Variants in SLC7A2 observed in about 807,000 individuals in gnomAD.
The protein encoded by SLC7A2 is solute carrier family 7 member 2.
In SLC7A2, 48 loss-of-function variants were observed where a neutral mutation model predicts 58.9. The observed-to-expected ratio is 0.82, with a 90% CI of 0.65 to 1.04. The LOEUF is 1.04. SLC7A2 is among the 50% of genes least tolerant of loss of function. The pLI is 0.00. For synonymous variants in SLC7A2, 363 were observed against 314.5 expected (o/e 1.15, Z -1.63); for missense variants, 1,029 against 818.8 (o/e 1.26, Z -3.13).
rs1302073057 is a variant in SLC7A2, at chr8:17,567,106, T to A, written c.*1960T>A. Reference sequence around the variant, plus strand: ...AACTTCCAGGGTGCACATGGTAAAATCTGAAGCCCAGAATTTTCTCTCAAG... The same window carrying A: ...AACTTCCAGGGTGCACATGGTAAAAACTGAAGCCCAGAATTTTCTCTCAAG... On this transcript the variant is annotated 3_prime_UTR_variant, in exon 13 of 13. Coordinates refer to ENST00000494857, the MANE Select transcript of SLC7A2 (RefSeq NM_001370338.1). 6.6e-6 allele frequency: 1 copy of A among 152,494 alleles called. No homozygotes were observed. The highest frequency in any genetic ancestry group is 2.4e-5 in the African/African-American group (1 of 41,392). 9.4% of individuals were successfully genotyped at this position (152,494 alleles called of 1,614,324 possible).
intron 2 of SLC7A2, among the ~76,000 whole-genome samples, chr8:17,510,290 A>G (rs528386323): frequency 6.6e-6 from 1 of 152,208 alleles, no homozygotes; most frequent in South Asian, 2.1e-4. Context: ...GTACGAAAGT[A>G]TCTGCAGAAA....
At chr8:17,534,582 G>A (rs1270542410) in intron 2 of SLC7A2, among the ~76,000 whole-genome samples, 1 of 151,314 alleles carries the variant, frequency 6.6e-6, no homozygotes, top group Non-Finnish European at 1.5e-5. Context: ...TTGGAATTCT[G>A]ACAATTCAAG....
intron 2 of SLC7A2, among the ~76,000 whole-genome samples, chr8:17,520,975 A>G (rs1024435929): frequency 6.6e-6 from 1 of 152,176 alleles, no homozygotes; most frequent in African/African-American, 2.4e-5. Flanking sequence ...GACCTTATAT[A>G]AGCCTGTTTC....
At chr8:17,526,954 G>T (rs539272964) in intron 2 of SLC7A2, among the ~76,000 whole-genome samples, 2 of 152,084 alleles carry the variant, frequency 1.3e-5, no homozygotes, top group African/African-American at 4.8e-5. Context: ...TTTCCAGTTG[G>T]TTGCATGATA....
intron 4 of SLC7A2, 74 bp from the exon 5 acceptor site, chr8:17,548,604 A>G: frequency 9.7e-7 from 1 of 1,032,378 alleles, no homozygotes; most frequent in South Asian, 1.5e-5. Flanking sequence ...AATATCCTAA[A>G]GTCATGTATT....
At position 17,497,224 on chromosome 8, in the gene SLC7A2, C is replaced by G. The variant is rs1409364725; in HGVS notation, c.-82C>G. On this transcript the variant is annotated 5_prime_UTR_variant, in exon 1 of 13. Coordinates refer to ENST00000494857, the MANE Select transcript of SLC7A2 (RefSeq NM_001370338.1). ...CCACCGCCGCCTTCTTGGCGCGACC[C>G]CAACCCAGCCCCAGTAAGTTGCTAG... The G allele has an allele frequency of 6.6e-6, 1 of 152,034 alleles. No homozygotes were observed. The highest frequency in any genetic ancestry group is 2.1e-4 in the South Asian group (1 of 4,836). The allele number at this position is 152,034 out of a possible 1,614,324, so 9.4% of individuals were successfully genotyped here.
chr8:17,536,849 C>G (rs1239467658), intron 2 of SLC7A2, among the ~76,000 whole-genome samples: 1 of 152,110 alleles, frequency 6.6e-6, no homozygotes, highest in African/African-American at 2.4e-5. Flanking sequence ...CTTCTGGTTT[C>G]AAGGAACAGA....
intron 6 of SLC7A2, 124 bp downstream of exon 6, chr8:17,550,558 G>C (rs545354344): frequency 2.2e-5 from 18 of 810,660 alleles, no homozygotes; most frequent in East Asian, 2.2e-4. Flanking sequence ...ACTAGTTCCA[G>C]GCCCAGCTGT....
intron 8 of SLC7A2, among the ~76,000 whole-genome samples, chr8:17,556,597 G>A (rs1028330469): frequency 6.7e-6 from 1 of 149,618 alleles, no homozygotes; most frequent in Non-Finnish European, 1.5e-5. Flanking sequence ...ATAATCTGAC[G>A]TATATGAGCA....
At chr8:17,552,012 G>C (rs549722904) in intron 7 of SLC7A2, 26 bp downstream of exon 7, 16 of 1,590,614 alleles carry the variant, frequency 1.0e-5, no homozygotes, top group Non-Finnish European at 1.4e-5. Flanking sequence ...TTTGGGGCAC[G>C]GGCTGTTTGG....
intron 2 of SLC7A2, among the ~76,000 whole-genome samples, chr8:17,533,102 C>T (rs1395225125): frequency 6.6e-6 from 1 of 152,112 alleles, no homozygotes; most frequent in Non-Finnish European, 1.5e-5. Flanking sequence ...TCATGAAGAA[C>T]CAGCACCCTT....
chr8:17,564,804 C>T, intron 12 of SLC7A2, 146 bp from the exon 13 acceptor site: 1 of 632,190 alleles, frequency 1.6e-6, no homozygotes, highest in Non-Finnish European at 2.7e-6. Context: ...TGGTCTGTGG[C>T]CCAGGGGTTG....
intron 2 of SLC7A2, chr8:17,510,489 C>T (rs550715365): frequency 1.5e-3 from 226 of 152,298 alleles, no homozygotes; most frequent in African/African-American, 4.9e-3. Flanking sequence ...GCCTTGCCAG[C>T]ATCTATTGTT....
chr8:17,535,302 G>A (rs531593744), intron 2 of SLC7A2, among the ~76,000 whole-genome samples: 35 of 147,650 alleles, frequency 2.4e-4, no homozygotes, highest in Admixed American at 1.1e-3. Context: ...GCCCCCTCCC[G>A]CCCTCCTTCT....
chr8:17,537,959 T>C (rs28733060), intron 2 of SLC7A2, among the ~76,000 whole-genome samples: 3,790 of 152,316 alleles, frequency 0.025, 84 homozygotes, highest in South Asian at 0.1. Flanking sequence ...TGCATCTCTT[T>C]GAGCTAACTA....
At chr8:17,532,294 A>AATCAGATT (rs36216019) in intron 2 of SLC7A2, among the ~76,000 whole-genome samples, 81,852 of 144,396 alleles carry the variant, frequency 0.57, 25,034 homozygotes, top group Non-Finnish European at 0.68. Flanking sequence ...ATGGCTGAAG[A>AATCAGATT]ATCAGATTAG....
At chr8:17,520,228 T>G (rs954534193) in intron 2 of SLC7A2, among the ~76,000 whole-genome samples, 29 of 152,122 alleles carry the variant, frequency 1.9e-4, no homozygotes, top group Non-Finnish European at 1.0e-4. Context: ...TATTGTGACA[T>G]ATGTTCCAAC....
intron 10 of SLC7A2, 67 bp from the exon 11 acceptor site, chr8:17,561,877 G>A (rs1803006606): frequency 6.7e-7 from 1 of 1,493,474 alleles, no homozygotes. Flanking sequence ...AGAATATGCT[G>A]TTTTGCACCA....
chr8:17,524,825 A>G (rs2150697673), intron 2 of SLC7A2, among the ~76,000 whole-genome samples: 1 of 152,050 alleles, frequency 6.6e-6, no homozygotes, highest in Non-Finnish European at 1.5e-5. Flanking sequence ...TGTTTGTAGC[A>G]GGGATTAACA....
Sources: gnomAD v4.1 joint callset for allele counts (sites outside exome capture counted in the v4.1 genomes callset) on GRCh38, gnomAD v4.1.1 for gene constraint, MANE v1.5 for transcripts, NCBI Gene and HGNC (gene_info 2026-07-23, HGNC 2026-07-21) for gene names.